The following AMBRA1 variants were observed in gnomAD, a reference collection of about 807,000 sequenced individuals.
AMBRA1 encodes autophagy and beclin 1 regulator 1, also known as activating molecule in BECN1-regulated autophagy protein 1.
AMBRA1 carries 47 observed loss-of-function variants against 125.4 expected under a neutral mutation model. The observed-to-expected ratio is 0.37, with a 90% confidence interval of 0.30 to 0.48. The LOEUF (loss-of-function observed/expected upper bound fraction) is 0.48. Ranked by LOEUF, AMBRA1 falls within the 20% of genes least tolerant of loss-of-function variation. AMBRA1 has a pLI of 0.99. For missense variants in AMBRA1, 1,331 were observed against 1,693.4 expected (o/e 0.79, Z 3.76); for synonymous variants, 626 against 655.5 (o/e 0.95, Z 0.69).
chr11:46,530,748 C>T (rs990229957), intron 7 of AMBRA1: 3 of 152,156 alleles, frequency 2.0e-5, no homozygotes, highest in Non-Finnish European at 4.4e-5. Context: ...CGGGCCAAAA[C>T]CAGCTATGAA....
chr11:46,548,382 G>A lies in AMBRA1; in HGVS notation c.-2C>T. On this transcript the variant is annotated 5_prime_UTR_variant, in exon 2 of 18. Transcript: ENST00000683756. ...ATTCTTTTCTGGGACAACCTTCATG[G>A]CGCTCAGTAGCCACTGTCACACCAG... 6.2e-7 allele frequency: 1 copy of A among 1,613,544 alleles called. No homozygotes were observed. Among genetic ancestry groups the A allele is most frequent in the Non-Finnish European group, 8.5e-7 (1 of 1,180,004 alleles).
At chr11:46,512,414 C>T (rs572930751) in intron 8 of AMBRA1, among the ~76,000 whole-genome samples, 1 of 152,280 alleles carries the variant, frequency 6.6e-6, no homozygotes, top group African/African-American at 2.4e-5. Flanking sequence ...ATCTGAATGA[C>T]AACAGCCTCT....
chr11:46,575,200 G>A (rs868215975), intron 1 of AMBRA1, among the ~76,000 whole-genome samples: 5 of 152,094 alleles, frequency 3.3e-5, no homozygotes, highest in Admixed American at 2.0e-4. Context: ...GCTCACACCT[G>A]TAATCCCGGC....
chr11:46,554,450 C>G (rs1035065654), intron 1 of AMBRA1, among the ~76,000 whole-genome samples: 1 of 152,062 alleles, frequency 6.6e-6, no homozygotes, highest in Non-Finnish European at 1.5e-5. Flanking sequence ...ATCAAAGGAT[C>G]AGGATTACCA....
chr11:46,502,413 C>T (rs948021778), intron 9 of AMBRA1, among the ~76,000 whole-genome samples: 1 of 152,084 alleles, frequency 6.6e-6, no homozygotes, highest in Non-Finnish European at 1.5e-5. Flanking sequence ...GCTCATAAGA[C>T]AAAGGAAAAG....
At chr11:46,531,686 G>A (rs562418018) in intron 7 of AMBRA1, among the ~76,000 whole-genome samples, 1 of 151,970 alleles carries the variant, frequency 6.6e-6, no homozygotes, top group African/African-American at 2.4e-5. Flanking sequence ...TCCAGCCTGG[G>A]TGACAGAGCG....
intron 11 of AMBRA1, among the ~76,000 whole-genome samples, chr11:46,489,016 C>A (rs1278887453): frequency 6.6e-6 from 1 of 152,174 alleles, no homozygotes; most frequent in Non-Finnish European, 1.5e-5. Context: ...CATTCTCCTG[C>A]CTCAGCCTCC....
At chr11:46,538,180 T>C (rs11038913) in intron 7 of AMBRA1, among the ~76,000 whole-genome samples, 10,723 of 152,314 alleles carry the variant, frequency 0.07, 545 homozygotes, top group Non-Finnish European at 0.11. Flanking sequence ...CGCACTTATT[T>C]TACAACATAC....
chr11:46,478,648 CT>C (rs11449187), intron 11 of AMBRA1, among the ~76,000 whole-genome samples: 86 of 82,168 alleles, frequency 1.0e-3, no homozygotes, highest in South Asian at 3.2e-3. Flanking sequence ...TCTTTTTTCT[CT>C]TTTTTTTTTT....
Position 46,508,193 on chromosome 11 carries a change from A to G in AMBRA1, c.2337T>C (p.Phe779=), listed in dbSNP as rs1951130685. Residue 779 remains phenylalanine (F), a splice_region_variant and synonymous_variant, in exon 9 of 18, where the codon TTT becomes TTC. Transcript: ENST00000683756. ...AAGCAAGCTGAGTATGTACTTACTC[A>G]AAGTCCTCAAATTCCAAGTCGGTTC... ...VEGTDLEFED[F]EDNGDRSRHR... 1.9e-6 allele frequency: 3 copies of G among 1,613,950 alleles called. No individual in the cohort carries two copies. Among genetic ancestry groups the G allele is most frequent in the Non-Finnish European group, 2.5e-6 (3 of 1,179,928 alleles).
In AMBRA1 at chr11:46,519,868, G is replaced by A. The variant is rs150089869; in HGVS notation, c.2073-7055C>T. Among the ~76,000 whole-genome samples the A allele has an allele frequency of 4.4e-3, 663 of 152,210 alleles. 4 individuals carry two copies. The highest frequency in any genetic ancestry group is 0.015 in the African/African-American group (616 of 41,540). ...CACTCTTAAAAATTATGAGGATCCCGGTGGCTCACGCCTGTAATCCCAGCA... is the reference window on the plus strand; with the variant it reads ...CACTCTTAAAAATTATGAGGATCCCAGTGGCTCACGCCTGTAATCCCAGCA... On this transcript the variant is annotated intron_variant, in intron 7 of 17. Transcript: ENST00000683756.
At position 46,512,765 on chromosome 11, in the gene AMBRA1, T is replaced by G; in HGVS notation, c.2121A>C (p.Ala707=). Residue 707 remains alanine, a synonymous_variant, in exon 8 of 18, where the codon GCA becomes GCC. Transcript: ENST00000683756. The part of the protein sequence containing the change: ...SLISLSRYDG[A]GSREHPIYPD... ...GGTAAATTGGGTGCTCTCTGGATCCTGCTCCATCATAACGGGATAATGAAA... is the reference window on the plus strand; with the variant it reads ...GGTAAATTGGGTGCTCTCTGGATCCGGCTCCATCATAACGGGATAATGAAA... 6.2e-7 allele frequency: 1 copy of G among 1,613,724 alleles called. No homozygotes were observed. Among genetic ancestry groups the G allele is most frequent in the Non-Finnish European group, 8.5e-7 (1 of 1,179,802 alleles).
At position 46,542,712 on chromosome 11, in the gene AMBRA1, C is replaced by T. The variant is rs1265594696; in HGVS notation, c.1305G>A (p.Met435Ile). ...SLNSRSEAES[M>I]PPPRTSASSV... ...AAGAGGCACTGGTTCTGGGCGGGGG[C>T]ATGGATTCCGCCTCAGAGCGGGAGT... Residue 435 changes from methionine to isoleucine, a missense_variant, in exon 7 of 18, where the codon ATG becomes ATA. Physicochemically the swap from Met to Ile is conservative, Grantham distance 10 (BLOSUM62 1). Around this residue, in one of 4 missense-constraint regions of AMBRA1, gnomAD observed 689 missense variants for 776.5 expected, o/e 0.89. Coordinates refer to ENST00000683756, the MANE Select transcript of AMBRA1 (RefSeq NM_001387011.1). The surrounding 1 kb of genome is among the most constrained non-coding windows in gnomAD (Gnocchi z 5.9). 3.7e-6 allele frequency: 6 copies of T among 1,614,116 alleles called. No individual in the cohort carries two copies. The highest frequency in any genetic ancestry group is 5.1e-6 in the Non-Finnish European group (6 of 1,180,032).
At chr11:46,485,772 C>A (rs1950248831) in intron 11 of AMBRA1, among the ~76,000 whole-genome samples, 1 of 152,140 alleles carries the variant, frequency 6.6e-6, no homozygotes, top group Non-Finnish European at 1.5e-5. Flanking sequence ...ATAAAAGGAA[C>A]AGAAAAGTTC....
chr11:46,526,407 G>A (rs1335767969), intron 7 of AMBRA1, among the ~76,000 whole-genome samples: 1 of 151,684 alleles, frequency 6.6e-6, no homozygotes, highest in Admixed American at 6.6e-5. Flanking sequence ...CCAATTCTGG[G>A]CCTACCGTTT....
At chr11:46,570,537 C>T (rs902159889) in intron 1 of AMBRA1, among the ~76,000 whole-genome samples, 1 of 152,040 alleles carries the variant, frequency 6.6e-6, no homozygotes, top group African/African-American at 2.4e-5. Context: ...CTATTAAGTG[C>T]CAATGCCTTA....
At chr11:46,458,573 C>T (rs1293200635) in intron 11 of AMBRA1, among the ~76,000 whole-genome samples, 1 of 151,706 alleles carries the variant, frequency 6.6e-6, no homozygotes, top group Admixed American at 6.6e-5. Flanking sequence ...AAGGGATCAA[C>T]TTTTCCTTCA....
In AMBRA1 at chr11:46,539,713, T is replaced by C. The variant is rs144935576; in HGVS notation, c.2072+2232A>G. ...CCCTGAGCCTCACTTTCCTCAACTT[T>C]ATAAAATGGAAAATTGAATACCTGA... On this transcript the variant is annotated intron_variant, in intron 7 of 17. Coordinates refer to ENST00000683756, the MANE Select transcript of AMBRA1 (RefSeq NM_001387011.1). Among the ~76,000 whole-genome samples the C allele has an allele frequency of 1.8e-3, 269 of 152,332 alleles. 1 individual carries two copies. The highest frequency in any genetic ancestry group is 2.9e-3 in the Non-Finnish European group (198 of 68,020).
intron 1 of AMBRA1, among the ~76,000 whole-genome samples, chr11:46,557,895 C>A (rs2043205661): frequency 6.6e-6 from 1 of 151,810 alleles, no homozygotes; most frequent in Non-Finnish European, 1.5e-5. Context: ...TCACTTGAAC[C>A]CAGGAGGTGG....
Sources: gnomAD v4.1 joint callset for allele counts (sites outside exome capture counted in the v4.1 genomes callset) on GRCh38, gnomAD v4.1.1 for gene constraint, gnomAD v4.1.1 regional missense constraint, Gnocchi (gnomAD v3.1) non-coding constraint, MANE v1.5 for transcripts, NCBI Gene and HGNC (gene_info 2026-07-23, HGNC 2026-07-21) for gene names.